USP20: variants seen among roughly 807,000 people sequenced by gnomAD.
The protein encoded by USP20 is ubiquitin specific peptidase 20.
A neutral mutation model predicts 124.2 loss-of-function variants in USP20; 80 were observed. The ratio of observed to expected loss-of-function variants is 0.64; its 90% CI spans 0.54 to 0.78. USP20 has a LOEUF of 0.78. USP20 is among the 30% of genes least tolerant of loss of function. The pLI is 0.00. For missense variants in USP20, 1,043 were observed against 1,244.4 expected, an observed-to-expected ratio of 0.84 and a Z score of 2.44; for synonymous variants, 481 against 512.3, an observed-to-expected ratio of 0.94 and a Z score of 0.83.
chr9:129,869,652 A>T lies in USP20; in HGVS notation c.1393-20A>T. On this transcript the variant is annotated intron_variant, in intron 13 of 25. Coordinates refer to ENST00000372429, the MANE Select transcript of USP20 (RefSeq NM_001110303.4). ...GACATTGCCAGAGGATGGGCAGCAG[A>T]CTGACCTTCAACCCCACAGGTATCC... 1 of 1,613,032 alleles carries T rather than the reference A, an allele frequency of 6.2e-7. No individual in the cohort carries two copies. Among genetic ancestry groups the T allele is most frequent in the Non-Finnish European group, 8.5e-7 (1 of 1,179,340 alleles).
At chr9:129,843,950 C>G (rs2032385520) in intron 1 of USP20, among the ~76,000 whole-genome samples, 1 of 151,972 alleles carries the variant, frequency 6.6e-6, no homozygotes, top group South Asian at 2.1e-4. Context: ...GCCTGTAGTC[C>G]TAGCTACTTG....
At chr9:129,877,091 G>A (rs931265774) in intron 22 of USP20, among the ~76,000 whole-genome samples, 4 of 152,292 alleles carry the variant, frequency 2.6e-5, no homozygotes, top group Admixed American at 2.6e-4. Flanking sequence ...CTGTGAGGGA[G>A]CTGAGTGCAG....
chr9:129,846,247 A>ATATATATATATGTATTTTTTTTTTTT (rs1554742656), intron 1 of USP20, among the ~76,000 whole-genome samples: 1 of 32,664 alleles, frequency 3.1e-5, no homozygotes, highest in African/African-American at 1.2e-4. Context: ...ATATATATAT[A>ATATATATATATGTATTTTTTTTTTTT]TTTTTTTTTT....
intron 2 of USP20, 68 bp from the exon 3 acceptor site, chr9:129,852,472 C>T (rs1203361522): frequency 7.0e-7 from 1 of 1,420,958 alleles, no homozygotes; most frequent in Non-Finnish European, 9.7e-7. Context: ...TGTACTTAAC[C>T]ACTCACCTCC....
chr9:129,871,340 TGTC>T (rs1316073292), intron 15 of USP20, among the ~76,000 whole-genome samples: 1 of 152,108 alleles, frequency 6.6e-6, no homozygotes, highest in Non-Finnish European at 1.5e-5. Flanking sequence ...GCAGCGTGTG[TGTC>T]GGAATGCCCT....
At chr9:129,859,705 T>C (rs1263314553) in intron 6 of USP20, among the ~76,000 whole-genome samples, 1 of 152,236 alleles carries the variant, frequency 6.6e-6, no homozygotes, top group Non-Finnish European at 1.5e-5. Context: ...TGCAATATCT[T>C]GTTTTTGTTG....
rs193265694 is a variant in USP20, at chr9:129,869,783, G to T, written c.1504G>T (p.Ala502Ser). Residue 502 changes from alanine (A) to serine (S), a missense_variant, in exon 14 of 26, where the codon GCC (alanine) becomes TCC (serine). Transcript: ENST00000372429. Reference protein sequence around the residue: ...IYQNVPAKPGACGDSYAAQGW... With the variant: ...IYQNVPAKPGSCGDSYAAQGW... ...CCAGAATGTGCCGGCCAAGCCAGGC[G>T]CCTGTGGGGACAGCTATGCCGCCCA... The T allele has an allele frequency of 5.0e-6, 8 of 1,613,908 alleles. No individual in the cohort carries two copies. The highest frequency in any genetic ancestry group is 6.8e-6 in the Non-Finnish European group (8 of 1,180,036).
At chr9:129,878,602 C>CCATGTGGTGGGGAT (rs2034508653) in intron 23 of USP20, among the ~76,000 whole-genome samples, 162 bp downstream of exon 23, 1 of 152,190 alleles carries the variant, frequency 6.6e-6, no homozygotes, top group Admixed American at 6.5e-5. Context: ...TTTGCCAGTC[C>CCATGTGGTGGGGAT]CCAGTGGGGA....
chr9:129,874,222 G>A (rs757430672), intron 17 of USP20, among the ~76,000 whole-genome samples: 4 of 152,156 alleles, frequency 2.6e-5, no homozygotes, highest in African/African-American at 7.2e-5. Flanking sequence ...AGGCTTGTCC[G>A]CACCAAGGAA....
chr9:129,878,566 TC>T, intron 23 of USP20, 126 bp downstream of exon 23: 1 of 803,724 alleles, frequency 1.2e-6, no homozygotes, highest in Non-Finnish European at 2.0e-6. Context: ...GTGCCACCCA[TC>T]CAGGGTGAAC....
intron 8 of USP20, among the ~76,000 whole-genome samples, chr9:129,862,516 G>A (rs1354210421): frequency 3.6e-5 from 5 of 140,836 alleles, no homozygotes; most frequent in Non-Finnish European, 6.0e-5. Context: ...TCATGCCATT[G>A]CATTCCAGCC....
chr9:129,865,183 TC>T lies in USP20; in HGVS notation c.612-116del, dbSNP rs1443978027. 3 of 1,025,374 alleles carry T rather than the reference TC, an allele frequency of 2.9e-6. No homozygotes were observed. In the Middle Eastern group the frequency reaches 6.3e-4, roughly 214 times the overall value. The allele number at this position is 1,025,374 out of a possible 1,614,324, so 63.5% of individuals were successfully genotyped here. On this transcript the variant is annotated intron_variant, in intron 9 of 25. Transcript: ENST00000372429. ...TGGGGCTCCTGGCTGAGTAGGCCCC[TC>T]CCCAAATGTCAGGAAACGCCACACT... is the stretch of plus-strand genomic sequence containing the variant.
intron 15 of USP20, among the ~76,000 whole-genome samples, chr9:129,871,488 G>A (rs2034126423): frequency 6.6e-6 from 1 of 152,118 alleles, no homozygotes; most frequent in South Asian, 2.1e-4. Context: ...CTGACCATGG[G>A]TGTGCACACC....
rs2034503563 is a variant in USP20, at chr9:129,878,503, G to A, written c.2512+63G>A. On this transcript the variant is annotated intron_variant, in intron 23 of 25. Coordinates refer to ENST00000372429, the MANE Select transcript of USP20 (RefSeq NM_001110303.4). Reference sequence around the variant, plus strand: ...GGGCCTCCTGGGAGATGGGATGCTGGCAGGGGAGGGCTGGCACACAGGGGC... The same window carrying A: ...GGGCCTCCTGGGAGATGGGATGCTGACAGGGGAGGGCTGGCACACAGGGGC... 4 of 1,418,402 alleles carry A rather than the reference G, an allele frequency of 2.8e-6. No homozygotes were observed. The Admixed American group carries it at 6.7e-5, about 24-fold the overall frequency. The allele number at this position is 1,418,402 out of a possible 1,614,324, so 87.9% of individuals were successfully genotyped here. A position where few individuals can be genotyped will look rare whatever the true frequency, so the allele number is the denominator to read the frequency against.
At chr9:129,870,392 C>A in intron 14 of USP20, 61 bp from the exon 15 acceptor site, 1 of 1,565,556 alleles carries the variant, frequency 6.4e-7, no homozygotes, top group South Asian at 1.1e-5. Flanking sequence ...GCCAGAGTCC[C>A]TTCAGCTCCT....
At position 129,874,606 on chromosome 9, in the gene USP20, C is replaced by A; in HGVS notation, c.1771C>A (p.His591Asn). 6.2e-7 allele frequency: 1 copy of A among 1,613,810 alleles called. No homozygotes were observed. The highest frequency in any genetic ancestry group is 8.5e-7 in the Non-Finnish European group (1 of 1,180,008). The change falls in exon 18 of 26, where the codon CAC (histidine) becomes AAC (asparagine). Residue 591 changes from histidine to asparagine, a missense_variant. Physicochemically the swap from His to Asn is moderately conservative, Grantham distance 68 (BLOSUM62 1). Coordinates refer to ENST00000372429, the MANE Select transcript of USP20 (RefSeq NM_001110303.4). Reference protein sequence around the residue: ...ILCIHLKRFRHEVMYSFKINS... With the variant: ...ILCIHLKRFRNEVMYSFKINS... ...GTGCATTCACCTAAAGCGCTTTCGG[C>A]ACGAGGTGATGTACTCATTCAAGAT...
chr9:129,878,243 G>A (rs2034488846), intron 22 of USP20, 95 bp from the exon 23 acceptor site: 2 of 972,042 alleles, frequency 2.1e-6, no homozygotes, highest in East Asian at 5.3e-5. Flanking sequence ...ACTCTTGGGT[G>A]AGGGACTGGG....
In USP20 at chr9:129,868,421, A is replaced by T. The variant is rs778569615; in HGVS notation, c.1107A>T (p.Pro369=). The change falls in exon 11 of 26, where the codon CCA becomes CCT. Residue 369 remains proline, a synonymous_variant. Coordinates refer to ENST00000372429, the MANE Select transcript of USP20 (RefSeq NM_001110303.4). ...CCGCGGAGGCCCAGCCCCCGTCACC[A>T]CGGTCCTCCAGCCCCTGCCGGACGC... The part of the protein sequence containing the change: ...DQPAEAQPPS[P]RSSSPCRTPE... 9 of 1,611,654 alleles carry T rather than the reference A, an allele frequency of 5.6e-6. No homozygotes were observed. In the East Asian group the frequency reaches 1.6e-4, roughly 28 times the overall value.
At chr9:129,866,804 A>C (rs1383441571) in intron 10 of USP20, among the ~76,000 whole-genome samples, 1 of 152,344 alleles carries the variant, frequency 6.6e-6, no homozygotes, top group East Asian at 1.9e-4. Flanking sequence ...CTTTTGTTGA[A>C]AGGAAGAACC....
Sources: gnomAD v4.1 joint callset for allele counts (sites outside exome capture counted in the v4.1 genomes callset) on GRCh38, gnomAD v4.1.1 for gene constraint, MANE v1.5 for transcripts, NCBI Gene and HGNC (gene_info 2026-07-23, HGNC 2026-07-21) for gene names.